SLC10A7: variants seen among roughly 807,000 people sequenced by gnomAD.
SLC10A7 encodes the protein sodium/bile acid cotransporter 7.
In SLC10A7, 29 loss-of-function variants were observed where a neutral mutation model predicts 43.2. The ratio of observed to expected loss-of-function variants is 0.67; its 90% CI spans 0.50 to 0.92. The LOEUF (loss-of-function observed/expected upper bound fraction) is 0.92. SLC10A7 is among the 40% of genes least tolerant of loss of function. SLC10A7 has a pLI of 0.00. For synonymous variants in SLC10A7, 152 were observed against 144.8 expected, an observed-to-expected ratio of 1.05 and a Z score of -0.35; for missense variants, 295 against 403.2, an observed-to-expected ratio of 0.73 and a Z score of 2.30.
chr4:146,440,506 A>C (rs1191298455), intron 5 of SLC10A7, among the ~76,000 whole-genome samples: 2 of 152,146 alleles, frequency 1.3e-5, no homozygotes, highest in African/African-American at 4.8e-5. Flanking sequence ...CCATGAAGCC[A>C]CTATACCATA....
intron 5 of SLC10A7, among the ~76,000 whole-genome samples, chr4:146,357,759 G>GA (rs1735757372): frequency 6.6e-6 from 1 of 152,264 alleles, no homozygotes; most frequent in East Asian, 1.9e-4. Flanking sequence ...GGAATTTGGG[G>GA]AAAAAGGAAA....
chr4:146,340,302 A>G (rs1734170435), intron 5 of SLC10A7, among the ~76,000 whole-genome samples: 1 of 151,818 alleles, frequency 6.6e-6, no homozygotes, highest in Non-Finnish European at 1.5e-5. Context: ...AGTTTATAAG[A>G]ACTGGTCAAT....
chr4:146,302,548 C>T (rs1034645001), intron 7 of SLC10A7, among the ~76,000 whole-genome samples: 4 of 152,076 alleles, frequency 2.6e-5, no homozygotes, highest in Non-Finnish European at 4.4e-5. Context: ...GAAGAATAAC[C>T]AGGGAAATAT....
intron 5 of SLC10A7, among the ~76,000 whole-genome samples, chr4:146,365,210 T>C (rs74520277): frequency 0.057 from 8,619 of 152,284 alleles, 362 homozygotes; most frequent in South Asian, 0.18. Flanking sequence ...ATTAAATCTT[T>C]TGTACTCCTA....
At chr4:146,407,649 C>G (rs1442917433) in intron 5 of SLC10A7, among the ~76,000 whole-genome samples, 2 of 152,156 alleles carry the variant, frequency 1.3e-5, no homozygotes, top group East Asian at 3.8e-4. Context: ...AATCTTTAAA[C>G]AAACAGCTAC....
In SLC10A7 at chr4:146,486,018, T is replaced by C. The variant is rs907187354; in HGVS notation, c.396+17831A>G. Among the ~76,000 whole-genome samples, 4 of 152,190 alleles carry C rather than the reference T, an allele frequency of 2.6e-5. No individual in the cohort carries two copies. The East Asian group carries it at 7.7e-4, about 29-fold the overall frequency. On this transcript the variant is annotated intron_variant, in intron 4 of 11. Transcript: ENST00000335472. ...TTATGGTATTCTCTTTTCCCAGCCT[T>C]ATGAAGTAAAAAGAAATGTGAATGT...
chr4:146,500,945 G>A (rs902819491), intron 4 of SLC10A7, among the ~76,000 whole-genome samples: 4 of 152,190 alleles, frequency 2.6e-5, no homozygotes, highest in Non-Finnish European at 5.9e-5. Context: ...ATTTTACACA[G>A]TGAACCAGAC....
intron 4 of SLC10A7, among the ~76,000 whole-genome samples, chr4:146,468,410 T>C (rs904163866): frequency 2.0e-5 from 3 of 151,960 alleles, no homozygotes; most frequent in Non-Finnish European, 4.4e-5. Context: ...AAAGGAGGGA[T>C]GGACATGAGG....
At chr4:146,520,456 T>C (rs1738520116) in intron 1 of SLC10A7, among the ~76,000 whole-genome samples, 1 of 152,232 alleles carries the variant, frequency 6.6e-6, no homozygotes, top group Non-Finnish European at 1.5e-5. Flanking sequence ...AACAAAATTT[T>C]AAAACAAACA....
intron 9 of SLC10A7, among the ~76,000 whole-genome samples, chr4:146,285,487 G>A (rs1050123569): frequency 6.6e-6 from 1 of 152,194 alleles, no homozygotes; most frequent in African/African-American, 2.4e-5. Flanking sequence ...TATGTAGAAT[G>A]AGTATAAGAC....
At chr4:146,493,582 A>C (rs1415497989) in intron 4 of SLC10A7, among the ~76,000 whole-genome samples, 1 of 151,774 alleles carries the variant, frequency 6.6e-6, no homozygotes, top group Non-Finnish European at 1.5e-5. Context: ...TGGAGCTGGG[A>C]TGCTTTTCTA....
intron 9 of SLC10A7, among the ~76,000 whole-genome samples, chr4:146,286,004 A>G (rs201651164): frequency 0.11 from 4,086 of 35,776 alleles, no homozygotes; most frequent in Middle Eastern, 0.27. Context: ...GGAGTGGTGA[A>G]AAGGACTGTG....
intron 5 of SLC10A7, among the ~76,000 whole-genome samples, chr4:146,387,827 T>C (rs1453460017): frequency 6.6e-6 from 1 of 152,086 alleles, no homozygotes; most frequent in Non-Finnish European, 1.5e-5. Context: ...GTCTCATTTA[T>C]AATACATACC....
At chr4:146,490,323 T>G (rs1478497501) in intron 4 of SLC10A7, among the ~76,000 whole-genome samples, 1 of 152,200 alleles carries the variant, frequency 6.6e-6, no homozygotes, top group Non-Finnish European at 1.5e-5. Context: ...GAGGGCTTAT[T>G]TTGACAAAGA....
At chr4:146,303,724 T>C (rs1731324495) in intron 7 of SLC10A7, among the ~76,000 whole-genome samples, 1 of 152,176 alleles carries the variant, frequency 6.6e-6, no homozygotes, top group African/African-American at 2.4e-5. Flanking sequence ...ACTTGTTTCC[T>C]GTTTAGTATT....
At position 146,337,725 on chromosome 4, in the gene SLC10A7, C is replaced by T. The variant is rs116823960; in HGVS notation, c.436-11729G>A. Among the ~76,000 whole-genome samples the T allele has an allele frequency of 6.9e-3, 1,047 of 151,606 alleles. 14 individuals are homozygous for T. Among genetic ancestry groups the T allele is most frequent in the African/African-American group, 0.025 (1,016 of 41,366 alleles). On this transcript the variant is annotated intron_variant, in intron 5 of 11. Coordinates refer to ENST00000335472, the MANE Select transcript of SLC10A7 (RefSeq NM_001029998.6). The stretch of plus-strand genomic sequence containing the variant: ...AGAAAAGAGGCTTATAGAGACTAAC[C>T]TAAGGAAGTGTCAGAAGATAGAACT...
At chr4:146,388,260 A>G (rs1411223957) in intron 5 of SLC10A7, among the ~76,000 whole-genome samples, 3 of 152,232 alleles carry the variant, frequency 2.0e-5, no homozygotes, top group African/African-American at 4.8e-5. Context: ...GAACCCAGAA[A>G]TAAGGCCACA....
chr4:146,309,934 G>C (rs967787318), intron 6 of SLC10A7, among the ~76,000 whole-genome samples: 14 of 152,086 alleles, frequency 9.2e-5, no homozygotes, highest in African/African-American at 3.4e-4. Context: ...AGTGAGCATA[G>C]TACCCAACAG....
At chr4:146,461,603 A>G (rs954831565) in intron 4 of SLC10A7, among the ~76,000 whole-genome samples, 5 of 151,910 alleles carry the variant, frequency 3.3e-5, no homozygotes, top group Non-Finnish European at 7.4e-5. Flanking sequence ...ACACACCCCA[A>G]TGTCTATCTC....
Sources: allele counts gnomAD v4.1 joint callset (sites outside exome capture counted in the v4.1 genomes callset), GRCh38; gene constraint gnomAD v4.1.1; transcripts MANE v1.5; gene names NCBI Gene and HGNC (gene_info 2026-07-23, HGNC 2026-07-21).